Variants in C8orf34 observed in about 807,000 individuals in gnomAD.
C8orf34 encodes the protein uncharacterized protein C8orf34.
C8orf34 carries 65 observed loss-of-function variants against 68.3 expected under a neutral mutation model. The observed-to-expected ratio is 0.95, with a 90% CI of 0.78 to 1.17. The LOEUF (loss-of-function observed/expected upper bound fraction) is 1.17, where lower values mean the gene tolerates loss of function less well. Ranked by LOEUF, C8orf34 falls within the 50% of genes most tolerant of loss-of-function variation. The pLI, the probability that C8orf34 is intolerant of heterozygous loss-of-function variation, is 0.00. For synonymous variants in C8orf34, 244 were observed against 241.2 expected (o/e 1.01, Z -0.11); for missense variants, 664 against 655.4 (o/e 1.01, Z -0.14).
At chr8:68,454,693 C>G (rs1016602027) in intron 3 of C8orf34, among the ~76,000 whole-genome samples, 4 of 151,934 alleles carry the variant, frequency 2.6e-5, no homozygotes, top group African/African-American at 9.7e-5. Context: ...TTCTAAAGAA[C>G]CAACTTTTGG....
chr8:68,517,936 A>T (rs1814587852), intron 5 of C8orf34, among the ~76,000 whole-genome samples: 1 of 152,216 alleles, frequency 6.6e-6, no homozygotes, highest in Admixed American at 6.5e-5. Context: ...ACTTTATAGG[A>T]TGAAAATCTG....
At chr8:68,625,673 T>A in intron 7 of C8orf34, 1 of 699,878 alleles carries the variant, frequency 1.4e-6, no homozygotes, top group Non-Finnish European at 2.6e-6. Context: ...ATGTGCCTGC[T>A]CCTCCCTGTG....
At chr8:68,632,914 G>A (rs958327440) in intron 7 of C8orf34, among the ~76,000 whole-genome samples, 4 of 152,192 alleles carry the variant, frequency 2.6e-5, no homozygotes, top group Non-Finnish European at 5.9e-5. Context: ...TGTCCAAGCA[G>A]AAATCTGCTG....
At chr8:68,784,040 A>G (rs970796381) in intron 11 of C8orf34, among the ~76,000 whole-genome samples, 5 of 152,174 alleles carry the variant, frequency 3.3e-5, no homozygotes, top group African/African-American at 1.2e-4. Context: ...GTATTGATAC[A>G]TTATTAGTAA....
chr8:68,789,352 A>G (rs906916410), intron 12 of C8orf34, among the ~76,000 whole-genome samples: 1 of 152,262 alleles, frequency 6.6e-6, no homozygotes, highest in African/African-American at 2.4e-5. Flanking sequence ...ATATTTTATA[A>G]TAAACTAAAA....
chr8:68,461,418 T>G (rs1030192443), intron 3 of C8orf34, among the ~76,000 whole-genome samples: 5 of 152,090 alleles, frequency 3.3e-5, no homozygotes, highest in Non-Finnish European at 7.4e-5. Flanking sequence ...AGGCCAACAT[T>G]CAGATTCAGG....
intron 12 of C8orf34, among the ~76,000 whole-genome samples, chr8:68,809,052 A>T (rs1475810041): frequency 4.6e-5 from 7 of 151,966 alleles, no homozygotes; most frequent in Non-Finnish European, 1.0e-4. Context: ...AAAAACCTGG[A>T]AGTCAGAAGA....
chr8:68,384,424 G>C (rs2129620339), intron 1 of C8orf34, among the ~76,000 whole-genome samples: 1 of 152,300 alleles, frequency 6.6e-6, no homozygotes, highest in Non-Finnish European at 1.5e-5. Flanking sequence ...ATATGGCGCT[G>C]GCCTCTGCTT....
chr8:68,790,727 G>C (rs888404377), intron 12 of C8orf34: 3 of 542,426 alleles, frequency 5.5e-6, no homozygotes, highest in Non-Finnish European at 9.8e-6. Flanking sequence ...TCAGATTATG[G>C]TCTGAAGTCA....
intron 1 of C8orf34, among the ~76,000 whole-genome samples, chr8:68,423,094 A>G (rs1810053637): frequency 6.6e-6 from 1 of 152,180 alleles, no homozygotes; most frequent in Admixed American, 6.5e-5. Context: ...ATGCGCAGAG[A>G]TATTTTTTCC....
At chr8:68,372,232 A>G (rs62521793) in intron 1 of C8orf34, among the ~76,000 whole-genome samples, 3,920 of 152,312 alleles carry the variant, frequency 0.026, 84 homozygotes, top group Admixed American at 0.084. Flanking sequence ...AATTCATTAC[A>G]GAGAATTGAT....
At chr8:68,594,677 A>G (rs1817491023) in intron 7 of C8orf34, among the ~76,000 whole-genome samples, 1 of 151,844 alleles carries the variant, frequency 6.6e-6, no homozygotes. Flanking sequence ...ACTATTCTAC[A>G]TTTTTCTGTT....
At chr8:68,649,136 T>C (rs529224897) in intron 8 of C8orf34, among the ~76,000 whole-genome samples, 1 of 152,280 alleles carries the variant, frequency 6.6e-6, no homozygotes, top group South Asian at 2.1e-4. Context: ...TACTATCACT[T>C]GTTTAAATTT....
chr8:68,439,301 T>C (rs959807908), intron 1 of C8orf34, 198 bp from the exon 2 acceptor site: 1 of 460,450 alleles, frequency 2.2e-6, no homozygotes, highest in Non-Finnish European at 3.8e-6. Flanking sequence ...ATATAGACAA[T>C]TTACTTCTCT....
chr8:68,347,258 C>G (rs546743655), intron 1 of C8orf34, among the ~76,000 whole-genome samples: 71 of 152,166 alleles, frequency 4.7e-4, no homozygotes, highest in African/African-American at 1.7e-3. Context: ...ATAATAGGCT[C>G]CAGCTCTGTT....
intron 7 of C8orf34, among the ~76,000 whole-genome samples, chr8:68,585,190 T>TA (rs1187278802): frequency 5.9e-5 from 9 of 152,054 alleles, no homozygotes; most frequent in African/African-American, 1.4e-4. Flanking sequence ...AGCAAAATGT[T>TA]AAAAAATTAG....
chr8:68,781,389 C>T (rs1288995112), intron 11 of C8orf34, among the ~76,000 whole-genome samples: 1 of 152,168 alleles, frequency 6.6e-6, no homozygotes, highest in Non-Finnish European at 1.5e-5. Context: ...CTCCTAGTCC[C>T]TGTACATTTG....
At chr8:68,539,265 C>T (rs78034492) in intron 7 of C8orf34, among the ~76,000 whole-genome samples, 2,947 of 152,104 alleles carry the variant, frequency 0.019, 47 homozygotes, top group Non-Finnish European at 0.029. Flanking sequence ...TAGTAATTTT[C>T]ATCTAACTTG....
At chr8:68,803,952 CTT>C (rs1386335565) in intron 12 of C8orf34, among the ~76,000 whole-genome samples, 1 of 151,980 alleles carries the variant, frequency 6.6e-6, no homozygotes, top group Non-Finnish European at 1.5e-5. Context: ...CTTATGAACA[CTT>C]ATTACAAACA....
Sources: gnomAD v4.1 joint callset for allele counts (sites outside exome capture counted in the v4.1 genomes callset) on GRCh38, gnomAD v4.1.1 for gene constraint, MANE v1.5 for transcripts, NCBI Gene and HGNC (gene_info 2026-07-23, HGNC 2026-07-21) for gene names.